The following PRDM5 variants were observed in gnomAD, a reference collection of about 807,000 sequenced individuals.
PRDM5 encodes PR/SET domain 5.
A neutral mutation model predicts 81.2 loss-of-function variants in PRDM5; 56 were observed. That is an observed-to-expected ratio of 0.69 (90% CI 0.56 to 0.86). The LOEUF is 0.86. PRDM5 is among the 40% of genes least tolerant of loss of function. The pLI is 0.00. For missense variants in PRDM5, 697 were observed against 770.1 expected (o/e 0.91, Z 1.12); for synonymous variants, 267 against 256.4 (o/e 1.04, Z -0.39).
intron 3 of PRDM5, among the ~76,000 whole-genome samples, chr4:120,830,809 T>C (rs1439921055): frequency 3.3e-5 from 5 of 152,042 alleles, no homozygotes; most frequent in Admixed American, 2.6e-4. Flanking sequence ...AACAGTTTAG[T>C]ATGATTCCTA....
intron 6 of PRDM5, 106 bp from the exon 7 acceptor site, chr4:120,816,680 G>A (rs573529270): frequency 1.2e-4 from 189 of 1,568,296 alleles, no homozygotes; most frequent in Admixed American, 9.9e-4. Flanking sequence ...GTAGAGTTTC[G>A]GGGTCATTCC....
chr4:120,827,323 A>G (rs1478174915), intron 3 of PRDM5, among the ~76,000 whole-genome samples: 33 of 152,126 alleles, frequency 2.2e-4, no homozygotes, highest in Non-Finnish European at 4.3e-4. Context: ...ATGGTTTTCA[A>G]AAAAACTTTT....
At chr4:120,889,518 T>C (rs1763817168) in intron 2 of PRDM5, among the ~76,000 whole-genome samples, 1 of 152,094 alleles carries the variant, frequency 6.6e-6, no homozygotes, top group Non-Finnish European at 1.5e-5. Flanking sequence ...ACCATCACCC[T>C]CCTTGCAAAA....
In PRDM5 at chr4:120,816,476, C is replaced by A. The variant is rs373835306; in HGVS notation, c.842G>T (p.Arg281Ile). The A allele has an allele frequency of 8.1e-6, 13 of 1,614,064 alleles. No homozygotes were observed. The African/African-American group carries it at 1.2e-4, about 15-fold the overall frequency. The change falls in exon 7 of 16, where the codon AGA (arginine) becomes ATA (isoleucine). Residue 281 changes from arginine to isoleucine, a missense_variant. This residue lies in a region of PRDM5 where 577 missense variants were observed against 606.7 expected (regional missense o/e 0.95). Transcript: ENST00000264808. ...KRLKSKDALKRHQENVHTGDP... is the reference protein window; with the variant it reads ...KRLKSKDALKIHQENVHTGDP... ...ACCAGTGTGGACATTTTCCTGGTGT[C>A]TTTTCAGGGCATCCTTGCTCTTCAG...
chr4:120,917,771 T>C (rs1724376096), intron 1 of PRDM5, among the ~76,000 whole-genome samples: 1 of 152,094 alleles, frequency 6.6e-6, no homozygotes, highest in Non-Finnish European at 1.5e-5. Flanking sequence ...GAGTTTACTC[T>C]TTTCTTATTT....
At chr4:120,915,229 G>A (rs1286608390) in intron 1 of PRDM5, among the ~76,000 whole-genome samples, 1 of 152,050 alleles carries the variant, frequency 6.6e-6, no homozygotes, top group Non-Finnish European at 1.5e-5. Flanking sequence ...ATGATAAACT[G>A]CAAAATCATA....
At chr4:120,826,227 C>T (rs1755959201) in intron 3 of PRDM5, among the ~76,000 whole-genome samples, 1 of 152,176 alleles carries the variant, frequency 6.6e-6, no homozygotes, top group Non-Finnish European at 1.5e-5. Context: ...TTCCATCAAA[C>T]TAGTACACTT....
At chr4:120,878,805 T>C (rs1265999362) in intron 2 of PRDM5, among the ~76,000 whole-genome samples, 3 of 152,128 alleles carry the variant, frequency 2.0e-5, no homozygotes, top group African/African-American at 7.2e-5. Context: ...TCATATGTCA[T>C]TAGGGAATTG....
intron 7 of PRDM5, among the ~76,000 whole-genome samples, chr4:120,812,202 G>T (rs948817340): frequency 6.6e-6 from 1 of 152,102 alleles, no homozygotes; most frequent in African/African-American, 2.4e-5. Context: ...GGACACTTAG[G>T]TTGATTCCAA....
intron 2 of PRDM5, among the ~76,000 whole-genome samples, chr4:120,863,906 G>A (rs780665559): frequency 6.6e-6 from 1 of 152,158 alleles, no homozygotes; most frequent in Admixed American, 6.5e-5. Flanking sequence ...AGTTAGTCAA[G>A]GACAATAGGA....
chr4:120,724,469 G>A (rs1376545315), intron 14 of PRDM5, among the ~76,000 whole-genome samples: 3 of 152,164 alleles, frequency 2.0e-5, no homozygotes. Flanking sequence ...GGAGTACAGA[G>A]AATGAAGTGA....
chr4:120,863,697 G>A (rs1241640402), intron 2 of PRDM5, among the ~76,000 whole-genome samples: 4 of 152,098 alleles, frequency 2.6e-5, no homozygotes, highest in African/African-American at 9.7e-5. Flanking sequence ...ACTCCATCTA[G>A]CGATCAAATA....
At chr4:120,862,951 G>C (rs116402091) in intron 2 of PRDM5, among the ~76,000 whole-genome samples, 6,516 of 151,682 alleles carry the variant, frequency 0.043, 202 homozygotes, top group Non-Finnish European at 0.064. Flanking sequence ...TTGAGCCCAG[G>C]AGTTCGAGAC....
In PRDM5 at chr4:120,818,471, T is replaced by C. The variant is rs1462908668; in HGVS notation, c.532A>G (p.Ser178Gly). 1.9e-6 allele frequency: 3 copies of C among 1,613,614 alleles called. No individual in the cohort carries two copies. The African/African-American group carries it at 4.0e-5, about 22-fold the overall frequency. ...ACPQCESSFTSEDILAEHLQT... is the reference protein window; with the variant it reads ...ACPQCESSFTGEDILAEHLQT... ...AGATGCTCAGCAAGAATATCCTCAC[T>C]GGTAAAACTCGATTCACATTGAGGA... is the stretch of plus-strand genomic sequence containing the variant. The change falls in exon 5 of 16, where the codon AGT (serine) becomes GGT (glycine). Residue 178 changes from serine to glycine, a missense_variant. This residue lies in a region of PRDM5 where 577 missense variants were observed against 606.7 expected (regional missense o/e 0.95). Transcript: ENST00000264808.
intron 13 of PRDM5, among the ~76,000 whole-genome samples, chr4:120,771,552 A>G (rs1164267532): frequency 6.6e-6 from 1 of 152,206 alleles, no homozygotes; most frequent in Non-Finnish European, 1.5e-5. Context: ...TAATATATTA[A>G]GAAAATTCCA....
Position 120,781,042 on chromosome 4 carries a change from T to A in PRDM5, c.1443+101A>T, listed in dbSNP as rs113743778. 149 of 1,030,524 alleles carry A rather than the reference T, an allele frequency of 1.4e-4. No homozygotes were observed. In the African/African-American group the frequency reaches 2.2e-3, roughly 15 times the overall value. The allele number at this position is 1,030,524 out of a possible 1,614,324, so 63.8% of individuals were successfully genotyped here. ...ATGCATTTGTCATTTTGAGTAAATATTTTGATAGATTAATATATAATTATC... is the reference window on the plus strand; with the variant it reads ...ATGCATTTGTCATTTTGAGTAAATAATTTGATAGATTAATATATAATTATC... On this transcript the variant is annotated intron_variant, in intron 12 of 15. Transcript: ENST00000264808.
intron 12 of PRDM5, among the ~76,000 whole-genome samples, chr4:120,778,516 C>T (rs1322845243): frequency 1.3e-5 from 2 of 151,968 alleles, no homozygotes; most frequent in East Asian, 1.9e-4. Flanking sequence ...ACTTTGCAGC[C>T]TTATTATTTA....
chr4:120,918,633 GTATT>G (rs975679933), intron 1 of PRDM5, among the ~76,000 whole-genome samples: 5 of 109,524 alleles, frequency 4.6e-5, no homozygotes, highest in Admixed American at 2.1e-4. Context: ...TTTACGTCAG[GTATT>G]TTTTTTTTTT....
At chr4:120,831,938 T>C (rs952526346) in intron 3 of PRDM5, among the ~76,000 whole-genome samples, 1 of 152,122 alleles carries the variant, frequency 6.6e-6, no homozygotes, top group Non-Finnish European at 1.5e-5. Flanking sequence ...GAGTGTCAAC[T>C]AAATTATTAT....
Sources: allele counts gnomAD v4.1 joint callset (sites outside exome capture counted in the v4.1 genomes callset), GRCh38; gene constraint gnomAD v4.1.1; regional missense constraint gnomAD v4.1.1; transcripts MANE v1.5; gene names NCBI Gene and HGNC (gene_info 2026-07-23, HGNC 2026-07-21).